LRRTM4: variants seen among roughly 807,000 people sequenced by gnomAD.
The protein encoded by LRRTM4 is leucine rich repeat transmembrane neuronal 4, also known as leucine-rich repeat transmembrane neuronal protein 4.
A neutral mutation model predicts 47.6 loss-of-function variants in LRRTM4; 25 were observed. The ratio of observed to expected loss-of-function variants is 0.53; its 90% CI spans 0.38 to 0.73. LRRTM4 has a LOEUF of 0.73. Ranked by LOEUF, LRRTM4 falls within the 30% of genes least tolerant of loss-of-function variation. The pLI is 0.00. For missense variants in LRRTM4, 638 were observed against 713.4 expected, an observed-to-expected ratio of 0.89 and a Z score of 1.20; for synonymous variants, 311 against 269.5, an observed-to-expected ratio of 1.15 and a Z score of -1.51.
Position 76,898,553 on chromosome 2 carries a change from C to CAAA in LRRTM4, c.1552-149640_1552-149638dup, listed in dbSNP as rs56345618. 2.3e-3 allele frequency among the ~76,000 whole-genome samples: 143 copies of CAAA among 63,270 alleles called. 2 individuals are homozygous for CAAA. Among genetic ancestry groups the CAAA allele is most frequent in the African/African-American group, 4.0e-3 (67 of 16,692 alleles). The allele number at this position is 63,270 out of a possible 152,430, so 41.5% of individuals were successfully genotyped here. ...GGGTAACAAGAGCAAAGCTCCGTCT[C>CAAA]AAAAAAAAAAAAAAAAAAAAAAAGA... On this transcript the variant is annotated intron_variant, in intron 3 of 3. Transcript: ENST00000409884.
intron 3 of LRRTM4, among the ~76,000 whole-genome samples, chr2:76,756,054 C>G (rs766040375): frequency 6.6e-6 from 1 of 152,086 alleles, no homozygotes; most frequent in Non-Finnish European, 1.5e-5. Context: ...ATAGGCAAGA[C>G]CTAAGGCCAT....
chr2:77,458,794 T>C (rs1421649329), intron 3 of LRRTM4, among the ~76,000 whole-genome samples: 1 of 151,298 alleles, frequency 6.6e-6, no homozygotes, highest in Non-Finnish European at 1.5e-5. Context: ...ATTTTAATAT[T>C]GTTAAGGTTT....
intron 3 of LRRTM4, among the ~76,000 whole-genome samples, chr2:76,796,895 C>G (rs549349468): frequency 1.3e-5 from 2 of 151,688 alleles, no homozygotes; most frequent in Non-Finnish European, 2.9e-5. Context: ...TGAAATGAAG[C>G]GAGAAGGGAA....
intron 3 of LRRTM4, among the ~76,000 whole-genome samples, chr2:76,968,340 G>GTATA (rs61103340): frequency 0.013 from 1,002 of 76,376 alleles, 9 homozygotes; most frequent in Non-Finnish European, 0.019. Flanking sequence ...GTGTATGTGT[G>GTATA]TATATATATA....
chr2:76,775,802 A>C (rs1210944914), intron 3 of LRRTM4, among the ~76,000 whole-genome samples: 1 of 151,754 alleles, frequency 6.6e-6, no homozygotes, highest in Admixed American at 6.6e-5. Flanking sequence ...ACATGTGCAT[A>C]TTGTGCAGGT....
At chr2:77,037,326 A>G (rs1208819714) in intron 3 of LRRTM4, among the ~76,000 whole-genome samples, 1 of 151,792 alleles carries the variant, frequency 6.6e-6, no homozygotes, top group African/African-American at 2.4e-5. Flanking sequence ...TAGTGATCAA[A>G]GAATATGGCC....
chr2:77,326,699 C>T (rs937668748), intron 3 of LRRTM4, among the ~76,000 whole-genome samples: 3 of 152,136 alleles, frequency 2.0e-5, no homozygotes, highest in African/African-American at 7.2e-5. Flanking sequence ...CTCTGCCTCA[C>T]CTATAACTCT....
chr2:77,052,491 A>G (rs1679470015), intron 3 of LRRTM4, among the ~76,000 whole-genome samples: 2 of 152,108 alleles, frequency 1.3e-5, no homozygotes, highest in African/African-American at 4.8e-5. Context: ...TTCATAAAAG[A>G]GATAATCAAA....
At chr2:76,907,337 A>C (rs1664545673) in intron 3 of LRRTM4, among the ~76,000 whole-genome samples, 2 of 151,558 alleles carry the variant, frequency 1.3e-5, no homozygotes, top group Admixed American at 6.6e-5. Context: ...GGACGCATTC[A>C]AAGTAGTGTG....
intron 3 of LRRTM4, among the ~76,000 whole-genome samples, chr2:76,906,489 C>A (rs1673844787): frequency 6.6e-6 from 1 of 151,894 alleles, no homozygotes; most frequent in African/African-American, 2.4e-5. Context: ...CAAATTCACA[C>A]ATAAGAATAT....
chr2:77,156,326 C>CAAAAA (rs11465198), intron 3 of LRRTM4, among the ~76,000 whole-genome samples: 2 of 146,574 alleles, frequency 1.4e-5, no homozygotes, highest in South Asian at 2.1e-4. Context: ...AGACACAATA[C>CAAAAA]AAAAAAAAAC....
intron 3 of LRRTM4, among the ~76,000 whole-genome samples, chr2:77,202,216 G>A (rs1673996404): frequency 6.6e-6 from 1 of 152,002 alleles, no homozygotes; most frequent in African/African-American, 2.4e-5. Context: ...TGGGAGTCCT[G>A]GATGGTTCAT....
At chr2:77,195,470 C>T (rs190945992) in intron 3 of LRRTM4, among the ~76,000 whole-genome samples, 447 of 152,096 alleles carry the variant, frequency 2.9e-3, no homozygotes, top group African/African-American at 0.01. Flanking sequence ...GAAAACTTAT[C>T]ACCTACTACA....
chr2:77,103,489 A>G (rs1671011184), intron 3 of LRRTM4, among the ~76,000 whole-genome samples: 1 of 152,208 alleles, frequency 6.6e-6, no homozygotes, highest in African/African-American at 2.4e-5. Flanking sequence ...TTCGCTGAGC[A>G]TGTTAATAGA....
intron 3 of LRRTM4, among the ~76,000 whole-genome samples, chr2:77,318,000 C>CTTTTT (rs61212194): frequency 1.3e-4 from 13 of 99,760 alleles, no homozygotes; most frequent in Admixed American, 2.4e-4. Context: ...ATTCCTAACA[C>CTTTTT]TTTTTTTTTT....
chr2:77,175,743 T>A (rs957738540), intron 3 of LRRTM4, among the ~76,000 whole-genome samples: 1 of 152,090 alleles, frequency 6.6e-6, no homozygotes, highest in African/African-American at 2.4e-5. Context: ...AAACTGTCTT[T>A]TTCTCAATCC....
intron 3 of LRRTM4, among the ~76,000 whole-genome samples, chr2:76,858,926 A>G (rs1417201909): frequency 6.6e-6 from 1 of 152,168 alleles, no homozygotes. Context: ...CATCAAGAAA[A>G]TATCTCCATC....
At chr2:77,092,976 A>ATCTCCCTTCGCTGACTCTCTTTTC (rs1670695586) in intron 3 of LRRTM4, among the ~76,000 whole-genome samples, 2 of 146,770 alleles carry the variant, frequency 1.4e-5, no homozygotes, top group African/African-American at 5.5e-5. Context: ...CTCAGAATTC[A>ATCTCCCTTCGCTGACTCTCTTTTC]GGCCTGTCCT....
chr2:77,270,723 C>A (rs562239569), intron 3 of LRRTM4, among the ~76,000 whole-genome samples: 2 of 152,262 alleles, frequency 1.3e-5, no homozygotes, highest in South Asian at 4.1e-4. Flanking sequence ...CATCTCCAAG[C>A]CAAAGACAGT....
Sources: gnomAD v4.1 joint callset for allele counts (sites outside exome capture counted in the v4.1 genomes callset) on GRCh38, gnomAD v4.1.1 for gene constraint, MANE v1.5 for transcripts, NCBI Gene and HGNC (gene_info 2026-07-23, HGNC 2026-07-21) for gene names.